GPR39: variants seen among roughly 807,000 people sequenced by gnomAD.
The protein encoded by GPR39 is G protein-coupled receptor 39.
Under a neutral mutation model 18.4 loss-of-function variants are expected in GPR39, and 23 were observed. The observed-to-expected ratio is 1.25, with a 90% CI of 0.90 to 1.77. The LOEUF (loss-of-function observed/expected upper bound fraction) is 1.77. GPR39 is among the 40% of genes most tolerant of loss of function. The probability of loss-of-function intolerance (pLI) is 0.00; values close to 1 mark genes in which losing one functional copy is unlikely to be tolerated. For missense variants in GPR39, 647 were observed against 602.4 expected (o/e 1.07, Z -0.78); for synonymous variants, 280 against 257.9 (o/e 1.09, Z -0.82).
intron 1 of GPR39, among the ~76,000 whole-genome samples, chr2:132,475,612 G>A (rs796887091): frequency 1.3e-4 from 19 of 151,998 alleles, no homozygotes; most frequent in African/African-American, 3.9e-4. Context: ...ACCCTTACTC[G>A]TTAGGGCTCT....
At chr2:132,560,892 T>A (rs987156718) in intron 1 of GPR39, among the ~76,000 whole-genome samples, 5 of 151,040 alleles carry the variant, frequency 3.3e-5, no homozygotes, top group African/African-American at 1.2e-4. Flanking sequence ...CACATTTTGT[T>A]TTTTTTTGTT....
chr2:132,522,006 C>A (rs1446817104), intron 1 of GPR39, among the ~76,000 whole-genome samples: 2 of 152,192 alleles, frequency 1.3e-5, no homozygotes, highest in African/African-American at 4.8e-5. Flanking sequence ...TCCTCCCCTT[C>A]CCTTTGTGCT....
At chr2:132,609,196 T>C (rs116482099) in intron 1 of GPR39, among the ~76,000 whole-genome samples, 231 of 152,282 alleles carry the variant, frequency 1.5e-3, no homozygotes, top group African/African-American at 5.1e-3. Context: ...CTCTGCCAGA[T>C]GATAAGAATG....
At chr2:132,475,118 G>A (rs1681102686) in intron 1 of GPR39, among the ~76,000 whole-genome samples, 1 of 152,038 alleles carries the variant, frequency 6.6e-6, no homozygotes, top group Admixed American at 6.6e-5. Flanking sequence ...TATCAGGACT[G>A]GTTCCAGGTA....
intron 1 of GPR39, among the ~76,000 whole-genome samples, chr2:132,608,192 GAAAAT>G (rs1054878491): frequency 6.6e-6 from 1 of 152,164 alleles, no homozygotes; most frequent in African/African-American, 2.4e-5. Flanking sequence ...TAATGACATC[GAAAAT>G]AAAATAATAC....
chr2:132,626,158 A>T (rs1468753049), intron 1 of GPR39, among the ~76,000 whole-genome samples: 4 of 152,148 alleles, frequency 2.6e-5, no homozygotes, highest in Non-Finnish European at 5.9e-5. Flanking sequence ...ACATCCCCCA[A>T]GGTGACACTG....
intron 1 of GPR39, among the ~76,000 whole-genome samples, chr2:132,553,263 C>G (rs1327383794): frequency 6.6e-6 from 1 of 150,728 alleles, no homozygotes; most frequent in Non-Finnish European, 1.5e-5. Context: ...GGTCCTGGAA[C>G]CAATCCCCCT....
At position 132,475,863 on chromosome 2, in the gene GPR39, C is replaced by A. The variant is rs1681116904; in HGVS notation, c.856+57965C>A. 1.3e-5 allele frequency among the ~76,000 whole-genome samples: 2 copies of A among 152,130 alleles called. 1 individual carries two copies. The highest frequency in any genetic ancestry group is 1.3e-4 in the Admixed American group (2 of 15,272). ...AGACCTCAAATGCTTTCACAAATAG[C>A]CATTTCACACTCCCATCCTCATAGT... is the stretch of plus-strand genomic sequence containing the variant. On this transcript the variant is annotated intron_variant, in intron 1 of 1. Coordinates refer to ENST00000329321, the MANE Select transcript of GPR39 (RefSeq NM_001508.3).
intron 1 of GPR39, among the ~76,000 whole-genome samples, chr2:132,568,308 G>A (rs376320995): frequency 9.2e-5 from 14 of 152,056 alleles, no homozygotes; most frequent in South Asian, 2.1e-4. Context: ...GTTGTTGGGC[G>A]GGGGTGTGAT....
intron 1 of GPR39, among the ~76,000 whole-genome samples, chr2:132,470,903 T>C (rs745753968): frequency 1.3e-5 from 2 of 152,204 alleles, no homozygotes; most frequent in African/African-American, 4.8e-5. Context: ...CTGTGGATTC[T>C]TGGGCAATTT....
At chr2:132,469,615 G>A (rs1680994274) in intron 1 of GPR39, among the ~76,000 whole-genome samples, 1 of 152,186 alleles carries the variant, frequency 6.6e-6, no homozygotes, top group Non-Finnish European at 1.5e-5. Context: ...GGTGGAAGAG[G>A]TAGTCGTATA....
At chr2:132,608,868 G>A (rs764590607) in intron 1 of GPR39, among the ~76,000 whole-genome samples, 4 of 152,162 alleles carry the variant, frequency 2.6e-5, no homozygotes, top group Non-Finnish European at 5.9e-5. Flanking sequence ...GCATGTGGTC[G>A]CTCATTACTG....
intron 1 of GPR39, among the ~76,000 whole-genome samples, chr2:132,563,224 G>A (rs1680286522): frequency 6.6e-6 from 1 of 152,234 alleles, no homozygotes; most frequent in Non-Finnish European, 1.5e-5. Flanking sequence ...CAGCTATTGA[G>A]AGGAGGTGAT....
chr2:132,595,986 G>A (rs1680938330), intron 1 of GPR39, among the ~76,000 whole-genome samples: 1 of 152,124 alleles, frequency 6.6e-6, no homozygotes, highest in Non-Finnish European at 1.5e-5. Flanking sequence ...GGACTCTTTA[G>A]TGTAGCCAGC....
chr2:132,469,807 G>T (rs1463677810), intron 1 of GPR39, among the ~76,000 whole-genome samples: 1 of 152,170 alleles, frequency 6.6e-6, no homozygotes, highest in Non-Finnish European at 1.5e-5. Flanking sequence ...ATGCTGGCTG[G>T]TGGGGTTGAG....
At chr2:132,504,874 C>T (rs1306908711) in intron 1 of GPR39, among the ~76,000 whole-genome samples, 1 of 152,074 alleles carries the variant, frequency 6.6e-6, no homozygotes, top group Non-Finnish European at 1.5e-5. Context: ...AAAAATGCTC[C>T]AAAGTGAATT....
chr2:132,619,741 A>C (rs1055631475), intron 1 of GPR39, among the ~76,000 whole-genome samples: 36 of 151,950 alleles, frequency 2.4e-4, no homozygotes, highest in Middle Eastern at 3.4e-3. Flanking sequence ...TTGGTTTCAG[A>C]TCCTTGCCAT....
chr2:132,627,048 T>C lies in GPR39; in HGVS notation c.857-18053T>C, dbSNP rs149488048. Among the ~76,000 whole-genome samples, 146 of 152,324 alleles carry C rather than the reference T, an allele frequency of 9.6e-4. 1 individual carries two copies. The highest frequency in any genetic ancestry group is 3.4e-3 in the African/African-American group (142 of 41,584). On this transcript the variant is annotated intron_variant, in intron 1 of 1. Transcript: ENST00000329321. ...GTTGGGGATGTCATGGCCACAGAGT[T>C]ACAGGCTTGTTTTCCTGGTTTAGCA... is the stretch of plus-strand genomic sequence containing the variant.
chr2:132,464,310 G>A (rs1444001802), intron 1 of GPR39, among the ~76,000 whole-genome samples: 3 of 152,194 alleles, frequency 2.0e-5, no homozygotes, highest in African/African-American at 7.2e-5. Flanking sequence ...GTTTAACATA[G>A]CAGCCTTGAA....
Sources: gnomAD v4.1 joint callset for allele counts (sites outside exome capture counted in the v4.1 genomes callset) on GRCh38, gnomAD v4.1.1 for gene constraint, MANE v1.5 for transcripts, NCBI Gene and HGNC (gene_info 2026-07-23, HGNC 2026-07-21) for gene names.